PLCE1: variants seen among roughly 807,000 people sequenced by gnomAD.
The protein encoded by PLCE1 is 1-phosphatidylinositol 4,5-bisphosphate phosphodiesterase epsilon-1.
A neutral mutation model predicts 242.8 loss-of-function variants in PLCE1; 119 were observed. The ratio of observed to expected loss-of-function variants is 0.49; its 90% CI spans 0.42 to 0.57. The LOEUF is 0.57. Among genes scored for constraint, PLCE1 ranks in the 20% least tolerant of loss-of-function variants. PLCE1 has a pLI of 0.00. For missense variants in PLCE1, 2,441 were observed against 2,788.8 expected (o/e 0.88, Z 2.81); for synonymous variants, 945 against 1,017.4 (o/e 0.93, Z 1.35).
At chr10:94,033,703 C>T (rs1589888025) in intron 2 of PLCE1, among the ~76,000 whole-genome samples, 1 of 152,228 alleles carries the variant, frequency 6.6e-6, no homozygotes, top group East Asian at 1.9e-4. Context: ...ATCTGTACAT[C>T]TGAGGACAGT....
intron 3 of PLCE1, among the ~76,000 whole-genome samples, chr10:94,161,457 G>A (rs1266027510): frequency 6.6e-6 from 1 of 152,092 alleles, no homozygotes; most frequent in East Asian, 1.9e-4. Flanking sequence ...TTGGCTCTCT[G>A]TCTGTTATTG....
chr10:94,255,908 ACACACACTCTCTCT>A lies in PLCE1; in HGVS notation c.3554+861_3554+874del, dbSNP rs1288528693. Among the ~76,000 whole-genome samples the A allele has an allele frequency of 9.3e-3, 890 of 96,096 alleles. 10 individuals carry two copies. The highest frequency in any genetic ancestry group is 0.034 in the African/African-American group (822 of 24,248). The allele number at this position is 96,096 out of a possible 152,430, so 63.0% of individuals were successfully genotyped here. The stretch of plus-strand genomic sequence containing the variant: ...CACACACACACACACACACACACAC[ACACACACTCTCTCT>A]CTCTCTCTCTCTCTCTCTCTCTCTC... On this transcript the variant is annotated intron_variant, in intron 11 of 32. Transcript: ENST00000371380.
intron 3 of PLCE1, among the ~76,000 whole-genome samples, chr10:94,166,958 C>T (rs1242078949): frequency 1.3e-5 from 2 of 152,170 alleles, no homozygotes; most frequent in East Asian, 3.9e-4. Context: ...CCCACTTTTG[C>T]AGAAAAATAT....
chr10:94,190,457 C>G (rs991894418), intron 4 of PLCE1, among the ~76,000 whole-genome samples: 2 of 152,100 alleles, frequency 1.3e-5, no homozygotes, highest in Non-Finnish European at 2.9e-5. Context: ...AATTTAAAAA[C>G]TAACTGGGCA....
intron 1 of PLCE1, among the ~76,000 whole-genome samples, chr10:94,007,900 A>G (rs1288360081): frequency 6.6e-6 from 1 of 151,558 alleles, no homozygotes; most frequent in African/African-American, 2.4e-5. Context: ...GAATATGGCC[A>G]GGCATGGTGG....
chr10:94,216,003 G>A (rs1441291292), intron 4 of PLCE1, among the ~76,000 whole-genome samples: 1 of 152,146 alleles, frequency 6.6e-6, no homozygotes, highest in Non-Finnish European at 1.5e-5. Context: ...CAGAGTACAT[G>A]GGCTCTGGGG....
intron 3 of PLCE1, among the ~76,000 whole-genome samples, chr10:94,170,400 A>G (rs1230089533): frequency 6.6e-6 from 1 of 152,218 alleles, no homozygotes; most frequent in African/African-American, 2.4e-5. Context: ...AAGAGAAGGC[A>G]AGTATGTGGC....
chr10:94,322,646 G>A (rs567503041), intron 30 of PLCE1, among the ~76,000 whole-genome samples: 8 of 152,078 alleles, frequency 5.3e-5, no homozygotes, highest in African/African-American at 1.7e-4. Context: ...TTAGCTGGGC[G>A]TGGTGGCAGG....
chr10:94,254,469 G>A (rs1157439110), intron 10 of PLCE1, among the ~76,000 whole-genome samples, 162 bp downstream of exon 10: 1 of 152,178 alleles, frequency 6.6e-6, no homozygotes, highest in African/African-American at 2.4e-5. Context: ...TGCAAGCATA[G>A]TGTGCTTGGA....
intron 7 of PLCE1, among the ~76,000 whole-genome samples, chr10:94,240,065 AT>A (rs1448571439): frequency 1.3e-5 from 2 of 152,104 alleles, no homozygotes; most frequent in Non-Finnish European, 2.9e-5. Flanking sequence ...ACCCAACATG[AT>A]TTGTAACAGA....
intron 2 of PLCE1, chr10:94,107,818 G>C (rs900470592): frequency 2.6e-5 from 4 of 152,166 alleles, no homozygotes; most frequent in Non-Finnish European, 4.4e-5. Flanking sequence ...CTTTAAACCA[G>C]AATCTCTCTA....
intron 2 of PLCE1, among the ~76,000 whole-genome samples, chr10:94,117,210 T>G (rs1156776615): frequency 6.6e-6 from 1 of 152,200 alleles, no homozygotes; most frequent in South Asian, 2.1e-4. Flanking sequence ...GTGTGAGGAA[T>G]GAGCTTCCCA....
chr10:93,996,412 G>C (rs370309944), intron 1 of PLCE1, among the ~76,000 whole-genome samples: 1 of 152,214 alleles, frequency 6.6e-6, no homozygotes, highest in Non-Finnish European at 1.5e-5. Context: ...GAAGACAGGT[G>C]ATTAGGAAAC....
At position 94,056,953 on chromosome 10, in the gene PLCE1, G is replaced by T. The variant is rs112089604; in HGVS notation, c.1206+24701G>T. Among the ~76,000 whole-genome samples, 995 of 152,168 alleles carry T rather than the reference G, an allele frequency of 6.5e-3. 13 individuals are homozygous for T. Among genetic ancestry groups the T allele is most frequent in the African/African-American group, 0.023 (952 of 41,506 alleles). ...TTTCACTTAGTGTAATGTTTCTAAG[G>T]TTCATCATGTTACAGCATATGTTAG... On this transcript the variant is annotated intron_variant, in intron 2 of 32. Transcript: ENST00000371380.
intron 2 of PLCE1, among the ~76,000 whole-genome samples, chr10:94,064,109 A>T (rs1252599910): frequency 6.6e-6 from 1 of 152,164 alleles, no homozygotes; most frequent in African/African-American, 2.4e-5. Context: ...TCCACTGTGT[A>T]CAAAGGATTT....
At chr10:94,301,699 A>G (rs773182532) in intron 24 of PLCE1, among the ~76,000 whole-genome samples, 13 of 152,176 alleles carry the variant, frequency 8.5e-5, no homozygotes, top group Non-Finnish European at 1.5e-4. Flanking sequence ...TCAACACTCA[A>G]TAAAACCAAC....
rs1199635035 is a variant in PLCE1, at chr10:94,284,895, A to G, written c.4965A>G (p.Lys1655=). Residue 1655 remains lysine (K), a synonymous_variant, in exon 22 of 33, where the codon AAA becomes AAG. Coordinates refer to ENST00000371380, the MANE Select transcript of PLCE1 (RefSeq NM_016341.4). ...AAGAATTTTATCTTGATCAGAATAA[A>G]AAGGAAAGCAGACAGATTGCACCAG... is the stretch of plus-strand genomic sequence containing the variant. ...LGEEFYLDQN[K]KESRQIAPEL... is the part of the protein sequence containing the mutation. The G allele has an allele frequency of 6.2e-7, 1 of 1,612,048 alleles. No homozygotes were observed. The highest frequency in any genetic ancestry group is 8.5e-7 in the Non-Finnish European group (1 of 1,178,220).
At chr10:94,027,917 A>G (rs1051557192) in intron 1 of PLCE1, among the ~76,000 whole-genome samples, 2 of 152,174 alleles carry the variant, frequency 1.3e-5, no homozygotes, top group Non-Finnish European at 2.9e-5. Context: ...AAGACATCAG[A>G]AACCCAAACC....
chr10:94,282,550 G>T (rs1325746829), intron 20 of PLCE1, among the ~76,000 whole-genome samples: 1 of 152,128 alleles, frequency 6.6e-6, no homozygotes, highest in Non-Finnish European at 1.5e-5. Context: ...CTGAAAATAT[G>T]TAACATGAAT....
Sources: allele counts gnomAD v4.1 joint callset (sites outside exome capture counted in the v4.1 genomes callset), GRCh38; gene constraint gnomAD v4.1.1; transcripts MANE v1.5; gene names NCBI Gene and HGNC (gene_info 2026-07-23, HGNC 2026-07-21).